MRTFB: variants seen among roughly 807,000 people sequenced by gnomAD.
The protein encoded by MRTFB is myocardin related transcription factor B.
Under a neutral mutation model 104.2 loss-of-function variants are expected in MRTFB, and 29 were observed. The ratio of observed to expected loss-of-function variants is 0.28; its 90% CI spans 0.21 to 0.38. The LOEUF is 0.38. Ranked by LOEUF, MRTFB falls within the 10% of genes least tolerant of loss-of-function variation. MRTFB has a pLI of 1.00. For missense variants in MRTFB, 1,270 were observed against 1,341.6 expected, an observed-to-expected ratio of 0.95 and a Z score of 0.83; for synonymous variants, 535 against 519.5, an observed-to-expected ratio of 1.03 and a Z score of -0.41.
the MRTFB span, among the ~76,000 whole-genome samples, chr16:14,033,242 T>C: frequency 3.1e-4 from 47 of 151,306 alleles, no homozygotes; most frequent in Admixed American, 5.9e-4. Flanking sequence ...TCTACAAAAA[T>C]TTAAAATTAA....
At chr16:14,124,657 G>T (rs898309866) in intron 2 of MRTFB, among the ~76,000 whole-genome samples, 1 of 152,192 alleles carries the variant, frequency 6.6e-6, no homozygotes, top group Non-Finnish European at 1.5e-5. Context: ...GCTGGATTCG[G>T]TTTGCCAGTA....
the MRTFB span, among the ~76,000 whole-genome samples, chr16:13,996,822 C>A: frequency 5.9e-5 from 9 of 152,166 alleles, no homozygotes; most frequent in Non-Finnish European, 5.9e-5. Flanking sequence ...ACAGGGACAA[C>A]CGACGGCTCT....
intron 15 of MRTFB, 25 bp from the exon 16 acceptor site, chr16:14,258,076 T>C: frequency 6.2e-7 from 1 of 1,606,966 alleles, no homozygotes; most frequent in Non-Finnish European, 8.5e-7. Context: ...GAAAGAAACC[T>C]AATTTGTACT....
chr16:14,242,816 A>C (rs950479603), intron 10 of MRTFB, among the ~76,000 whole-genome samples: 7 of 152,216 alleles, frequency 4.6e-5, no homozygotes, highest in African/African-American at 1.7e-4. Context: ...GATTGAGTAA[A>C]ATACCAAACT....
rs547536955 is a variant in MRTFB, at chr16:14,170,885, C to T, written c.154+30125C>T. 6.7e-4 allele frequency among the ~76,000 whole-genome samples: 102 copies of T among 152,212 alleles called. 2 individuals carry two copies. In the Middle Eastern group the frequency reaches 0.01, roughly 15 times the overall value. On this transcript the variant is annotated intron_variant, in intron 3 of 16. Coordinates refer to ENST00000571589, the MANE Select transcript of MRTFB (RefSeq NM_001308142.2). ...GGTAATTGCTAAGTGGTAATAATTC[C>T]ATCTTTCCTTACATTTGTTAACAGA...
In MRTFB at chr16:14,140,739, C is replaced by T. The variant is rs759999122; in HGVS notation, c.133C>T (p.Pro45Ser). ...LSLQSSQNLP[P>S]LNERKNVLQL... is the part of the protein sequence containing the mutation. ...CTTGCAGTCCAGTCAAAACTTACCC[C>T]CTCTGAACGAAAGGAAAAATGGTGA... Residue 45 changes from proline (P) to serine (S), a missense_variant, in exon 3 of 17, where the codon CCT becomes TCT. Transcript: ENST00000571589. The T allele has an allele frequency of 2.5e-6, 4 of 1,614,116 alleles. No individual in the cohort carries two copies. The highest frequency in any genetic ancestry group is 2.5e-6 in the Non-Finnish European group (3 of 1,180,022).
chr16:14,129,643 T>G (rs2037338821), intron 2 of MRTFB, among the ~76,000 whole-genome samples: 1 of 152,214 alleles, frequency 6.6e-6, no homozygotes, highest in East Asian at 1.9e-4. Context: ...AAGTAGTGTT[T>G]TACATTCTCA....
At chr16:14,035,936 C>A in the MRTFB span, among the ~76,000 whole-genome samples, 1 of 151,242 alleles carries the variant, frequency 6.6e-6, no homozygotes, top group Non-Finnish European at 1.5e-5. Flanking sequence ...GCCTTTGCAT[C>A]CTCATAACTT....
chr16:14,166,135 T>C (rs2039228747), intron 3 of MRTFB, among the ~76,000 whole-genome samples: 1 of 152,118 alleles, frequency 6.6e-6, no homozygotes, highest in Admixed American at 6.5e-5. Context: ...TGGGATAACA[T>C]ATTACTTTCT....
chr16:14,085,381 C>T (rs923271065), intron 2 of MRTFB, among the ~76,000 whole-genome samples: 5 of 138,574 alleles, frequency 3.6e-5, no homozygotes, highest in Non-Finnish European at 6.0e-5. Context: ...CACTTGAATC[C>T]GGGAGGTGGA....
chr16:14,205,583 G>A (rs2040904948), intron 3 of MRTFB, among the ~76,000 whole-genome samples: 1 of 152,114 alleles, frequency 6.6e-6, no homozygotes, highest in African/African-American at 2.4e-5. Context: ...ACCATGTGTT[G>A]GATTGTTTAG....
At chr16:14,043,791 G>A in the MRTFB span, among the ~76,000 whole-genome samples, 1 of 152,200 alleles carries the variant, frequency 6.6e-6, no homozygotes, top group African/African-American at 2.4e-5. Context: ...TGGCTCCTAT[G>A]ATCTCCTACA....
chr16:14,048,318 A>G, the MRTFB span, among the ~76,000 whole-genome samples: 4 of 152,224 alleles, frequency 2.6e-5, no homozygotes, highest in Non-Finnish European at 5.9e-5. Context: ...AAACAGGATA[A>G]TGGGATAGAG....
chr16:14,140,325 T>G (rs1346094365), intron 2 of MRTFB, among the ~76,000 whole-genome samples: 1 of 152,210 alleles, frequency 6.6e-6, no homozygotes, highest in Non-Finnish European at 1.5e-5. Context: ...ATATACAAAA[T>G]ATATTTCAGC....
intron 3 of MRTFB, among the ~76,000 whole-genome samples, chr16:14,206,220 C>T (rs2040933491): frequency 6.6e-6 from 1 of 152,188 alleles, no homozygotes; most frequent in African/African-American, 2.4e-5. Flanking sequence ...AGAGTCTGGT[C>T]CTCTGTTTTC....
intron 3 of MRTFB, chr16:14,142,607 C>A (rs1314018693): frequency 1.3e-5 from 2 of 152,174 alleles, no homozygotes; most frequent in Non-Finnish European, 2.9e-5. Context: ...GAGAATATAG[C>A]CATATTTACT....
At position 14,261,503 on chromosome 16, in the gene MRTFB, G is replaced by A. The variant is rs916676513; in HGVS notation, c.*59G>A. ...TTTAAGAACATGAAGATTCTAAAAG[G>A]TCAGTTTTTAGAGATAGATCTATAG... On this transcript the variant is annotated 3_prime_UTR_variant, in exon 17 of 17. Coordinates refer to ENST00000571589, the MANE Select transcript of MRTFB (RefSeq NM_001308142.2). The A allele has an allele frequency of 4.1e-5, 61 of 1,478,692 alleles. No individual in the cohort carries two copies. The Middle Eastern group carries it at 5.7e-4, about 14-fold the overall frequency. 91.6% of individuals were successfully genotyped at this position (1,478,692 alleles called of 1,614,324 possible). A position where few individuals can be genotyped will look rare whatever the true frequency, so the allele number is the denominator to read the frequency against.
At chr16:14,076,783 C>T (rs1159778240) in intron 1 of MRTFB, among the ~76,000 whole-genome samples, 2 of 152,196 alleles carry the variant, frequency 1.3e-5, no homozygotes, top group African/African-American at 2.4e-5. Context: ...CTCCTTATTT[C>T]TCCGTAACCT....
intron 2 of MRTFB, among the ~76,000 whole-genome samples, chr16:14,105,185 C>T (rs2035905260): frequency 6.6e-6 from 1 of 152,134 alleles, no homozygotes; most frequent in South Asian, 2.1e-4. Flanking sequence ...GTGAAAATAA[C>T]TGAGCTGATA....
Sources: allele counts gnomAD v4.1 joint callset (sites outside exome capture counted in the v4.1 genomes callset), GRCh38; gene constraint gnomAD v4.1.1; transcripts MANE v1.5; gene names NCBI Gene and HGNC (gene_info 2026-07-23, HGNC 2026-07-21).